The following PCARE variants were observed in gnomAD, a reference collection of about 807,000 sequenced individuals.
PCARE encodes the protein photoreceptor cilium actin regulator.
In PCARE, 72 loss-of-function variants were observed where a neutral mutation model predicts 82.2. That is an observed-to-expected ratio of 0.88 (90% confidence interval 0.72 to 1.07). PCARE has a LOEUF of 1.07. Among genes scored for constraint, PCARE ranks in the 50% least tolerant of loss-of-function variants. PCARE has a pLI of 0.00. For missense variants in PCARE, 1,768 were observed against 1,592.4 expected (o/e 1.11, Z -1.88); for synonymous variants, 705 against 634.8 (o/e 1.11, Z -1.66).
In PCARE at chr2:29,071,328, G is replaced by A. The variant is rs1302465109; in HGVS notation, c.2934C>T (p.Ala978=). Reference sequence around the variant, plus strand: ...TTCTCTCTCGGCTCTGCCTTGGTCTGGCCAGGCTGGACTCTGAGGTCCTGT... The same window carrying A: ...TTCTCTCTCGGCTCTGCCTTGGTCTAGCCAGGCTGGACTCTGAGGTCCTGT... The part of the protein sequence containing the change: ...GQNRTSESSL[A]RPRQSRERSP... Residue 978 remains alanine (A), a synonymous_variant, in exon 1 of 2, where the codon GCC becomes GCT. Transcript: ENST00000331664. 2.5e-6 allele frequency: 4 copies of A among 1,613,574 alleles called. No homozygotes were observed. In the African/African-American group the frequency reaches 4.0e-5, roughly 16 times the overall value.
In PCARE at chr2:29,074,198, A is replaced by C; in HGVS notation, c.64T>G (p.Leu22Val). ...NSVAKSGIQF[L>V]KKPKAIRPGC... Reference sequence around the variant, plus strand: ...GGCCGAATTGCTTTGGGCTTTTTCAAGAACTGAATGCCACTCTTTGCAACG... The same window carrying C: ...GGCCGAATTGCTTTGGGCTTTTTCACGAACTGAATGCCACTCTTTGCAACG... Residue 22 changes from leucine to valine, a missense_variant, in exon 1 of 2, where the codon TTG becomes GTG. Coordinates refer to ENST00000331664, the MANE Select transcript of PCARE (RefSeq NM_001029883.3). 6.2e-7 allele frequency: 1 copy of C among 1,602,312 alleles called. No individual in the cohort carries two copies. The highest frequency in any genetic ancestry group is 1.7e-5 in the Admixed American group (1 of 58,818).
chr2:29,071,541 C>A lies in PCARE; in HGVS notation c.2721G>T (p.Gly907=). 6.2e-7 allele frequency: 1 copy of A among 1,610,496 alleles called. No individual in the cohort carries two copies. The highest frequency in any genetic ancestry group is 8.5e-7 in the Non-Finnish European group (1 of 1,180,014). The change falls in exon 1 of 2, where the codon GGG becomes GGT. Residue 907 remains glycine (G), a synonymous_variant. Transcript: ENST00000331664. The part of the protein sequence containing the change: ...TASLTKPHST[G]PGSGRSSCQP... ...GGCAGCTGCTCCTGCCACTCCCTGGCCCTGTGCTGTGAGGCTTGGTCAGGC... is the reference window on the plus strand; with the variant it reads ...GGCAGCTGCTCCTGCCACTCCCTGGACCTGTGCTGTGAGGCTTGGTCAGGC...
At position 29,071,272 on chromosome 2, in the gene PCARE, G is replaced by A. The variant is rs1667474954; in HGVS notation, c.2990C>T (p.Thr997Met). ...SPPVGRKASP[T>M]RTHWVPQADK... ...TGCTTGAGGCACCCAGTGTGTCCTC[G>A]TGGGAGAGGCCTTTCTGCCCACAGG... Residue 997 changes from threonine to methionine, a missense_variant, in exon 1 of 2, where the codon ACG (threonine) becomes ATG (methionine). By Grantham distance (81) the Thr-to-Met change is moderately conservative. Transcript: ENST00000331664. 1.9e-6 allele frequency: 3 copies of A among 1,613,538 alleles called. No individual in the cohort carries two copies. Among genetic ancestry groups the A allele is most frequent in the Non-Finnish European group, 2.5e-6 (3 of 1,179,950 alleles).
At chr2:29,066,562 T>C (rs555258974) in intron 1 of PCARE, among the ~76,000 whole-genome samples, 1 of 152,280 alleles carries the variant, frequency 6.6e-6, no homozygotes, top group African/African-American at 2.4e-5. Context: ...GCCAAACCAG[T>C]GGAGAATATG....
rs1667552178 is a variant in PCARE, at chr2:29,074,412, A to G, written c.-151T>C. 1 of 793,098 alleles carries G rather than the reference A, an allele frequency of 1.3e-6. No individual in the cohort carries two copies. 49.1% of individuals were successfully genotyped at this position (793,098 alleles called of 1,614,324 possible). On this transcript the variant is annotated 5_prime_UTR_variant, in exon 1 of 2. Transcript: ENST00000331664. ...CATGGTACAATATCCTAAACTTGGA[A>G]CCAGCTTTCTTTATTTTCTTGGTCC...
In PCARE at chr2:29,073,017, T is replaced by A. The variant is rs2148416440; in HGVS notation, c.1245A>T (p.Ser415=). The change falls in exon 1 of 2, where the codon TCA becomes TCT. Residue 415 remains serine, a synonymous_variant. Coordinates refer to ENST00000331664, the MANE Select transcript of PCARE (RefSeq NM_001029883.3). ...GCTGAACCTTTGCCATAGGAGCCCC[T>A]GAGAGCAGGCAGTCCTGGGGTCTGC... The part of the protein sequence containing the change: ...GSGRPQDCLL[S]GAPMAKVQPR... The A allele has an allele frequency of 3.1e-6, 5 of 1,614,176 alleles. No homozygotes were observed. Among genetic ancestry groups the A allele is most frequent in the South Asian group, 2.2e-5 (2 of 91,080 alleles).
rs1667523453 is a variant in PCARE, at chr2:29,073,146, G to T, written c.1116C>A (p.Asp372Glu). The T allele has an allele frequency of 6.2e-7, 1 of 1,614,096 alleles. No homozygotes were observed. Among genetic ancestry groups the T allele is most frequent in the Non-Finnish European group, 8.5e-7 (1 of 1,180,010 alleles). Residue 372 changes from aspartate to glutamate, a missense_variant, in exon 1 of 2, where the codon GAC becomes GAA. Coordinates refer to ENST00000331664, the MANE Select transcript of PCARE (RefSeq NM_001029883.3). ...TCCATTCTTCGGGCTCTGGTGCAAG[G>T]TCCCAGCTGGTTTGCTTGCCCAGCT... ...VDKLGKQTSWDLAPEPEEWKS... is the reference protein window; with the variant it reads ...VDKLGKQTSWELAPEPEEWKS...
intron 1 of PCARE, among the ~76,000 whole-genome samples, chr2:29,069,537 G>A (rs975949511): frequency 6.6e-6 from 1 of 152,282 alleles, no homozygotes; most frequent in South Asian, 2.1e-4. Flanking sequence ...CCTCCTTGAG[G>A]GTGGAAGGTG....
At position 29,063,445 on chromosome 2, in the gene PCARE, G is replaced by A. The variant is rs1241752237; in HGVS notation, c.*1424C>T. 2.0e-5 allele frequency: 3 copies of A among 152,614 alleles called. No individual in the cohort carries two copies. The highest frequency in any genetic ancestry group is 6.5e-5 in the Admixed American group (1 of 15,280). 9.5% of individuals were successfully genotyped at this position (152,614 alleles called of 1,614,324 possible). Reference sequence around the variant, plus strand: ...AATAATAATTGGACAAGTCAAGGTGGGATTCATTTACTCAGAGTCATAGCC... The same window carrying A: ...AATAATAATTGGACAAGTCAAGGTGAGATTCATTTACTCAGAGTCATAGCC... On this transcript the variant is annotated 3_prime_UTR_variant, in exon 2 of 2. Coordinates refer to ENST00000331664, the MANE Select transcript of PCARE (RefSeq NM_001029883.3).
At position 29,074,020 on chromosome 2, in the gene PCARE, G is replaced by T; in HGVS notation, c.242C>A (p.Pro81His). 1.2e-6 allele frequency: 2 copies of T among 1,614,188 alleles called. No homozygotes were observed. Among genetic ancestry groups the T allele is most frequent in the Non-Finnish European group, 1.7e-6 (2 of 1,180,032 alleles). ...AKGLCQLMGD[P>H]ASGKRKDMEG... ...CATATCTTTCCTTTTGCCTGAAGCAGGATCTCCCATGAGCTGACAAAGACC... is the reference window on the plus strand; with the variant it reads ...CATATCTTTCCTTTTGCCTGAAGCATGATCTCCCATGAGCTGACAAAGACC... Residue 81 changes from proline to histidine, a missense_variant, in exon 1 of 2, where the codon CCT (proline) becomes CAT (histidine). Pro to His is a moderately conservative substitution (Grantham distance 77). Coordinates refer to ENST00000331664, the MANE Select transcript of PCARE (RefSeq NM_001029883.3).
In PCARE at chr2:29,072,848, T is replaced by C; in HGVS notation, c.1414A>G (p.Thr472Ala). ...GVSVEPHLSK[T>A]SRPMDASSLS... ...GATGAAGCGTCCATCGGCCTGGAGG[T>C]TTTGGAAAGGTGTGGTTCCACAGAG... Residue 472 changes from threonine (T) to alanine (A), a missense_variant, in exon 1 of 2, where the codon ACC becomes GCC. Transcript: ENST00000331664. 6.2e-7 allele frequency: 1 copy of C among 1,613,948 alleles called. No individual in the cohort carries two copies. The highest frequency in any genetic ancestry group is 8.5e-7 in the Non-Finnish European group (1 of 1,179,994).
rs1222852003 is a variant in PCARE, at chr2:29,064,961, G to A, written c.3775C>T (p.Leu1259=). 2 of 1,603,572 alleles carry A rather than the reference G, an allele frequency of 1.2e-6. No individual in the cohort carries two copies. The highest frequency in any genetic ancestry group is 1.7e-6 in the Non-Finnish European group (2 of 1,175,526). The part of the protein sequence containing the change: ...RRASPPEFCV[L]GHGLQPEPRT... ...GGCTCCGGTTGCAGCCCGTGGCCCAGCACACAGAACTCTGGGGGAGATGCA... is the reference window on the plus strand; with the variant it reads ...GGCTCCGGTTGCAGCCCGTGGCCCAACACACAGAACTCTGGGGGAGATGCA... The change falls in exon 2 of 2, where the codon CTG becomes TTG. Residue 1259 remains leucine, a synonymous_variant. Coordinates refer to ENST00000331664, the MANE Select transcript of PCARE (RefSeq NM_001029883.3).
Position 29,072,792 on chromosome 2 carries a change from C to T in PCARE, c.1470G>A (p.Glu490=). 1 of 1,614,164 alleles carries T rather than the reference C, an allele frequency of 6.2e-7. No homozygotes were observed. The highest frequency in any genetic ancestry group is 8.5e-7 in the Non-Finnish European group (1 of 1,180,036). ...TGCTCATTTTGTCTTCCTCCTCCTCCTCTGGGCTGCTGTCCTCGCTGTCAC... is the reference window on the plus strand; with the variant it reads ...TGCTCATTTTGTCTTCCTCCTCCTCTTCTGGGCTGCTGTCCTCGCTGTCAC... ...SLSDSEDSSP[E]EEEEDKMSSM... The change falls in exon 1 of 2, where the codon GAG becomes GAA. Residue 490 remains glutamate, a synonymous_variant. Coordinates refer to ENST00000331664, the MANE Select transcript of PCARE (RefSeq NM_001029883.3).
Position 29,063,624 on chromosome 2 carries a change from C to T in PCARE, c.*1245G>A, listed in dbSNP as rs931799277. 2.0e-5 allele frequency: 3 copies of T among 152,628 alleles called. No individual in the cohort carries two copies. Among genetic ancestry groups the T allele is most frequent in the Non-Finnish European group, 4.4e-5 (3 of 68,048 alleles). 9.5% of individuals were successfully genotyped at this position (152,628 alleles called of 1,614,324 possible). A position where few individuals can be genotyped will look rare whatever the true frequency, so the allele number is the denominator to read the frequency against. The stretch of plus-strand genomic sequence containing the variant: ...TCTGGAGGATCGTCCCTTTGCTGTA[C>T]CCCAGTGGGTAAGAATTCTTGTCTT... On this transcript the variant is annotated 3_prime_UTR_variant, in exon 2 of 2. Transcript: ENST00000331664.
Position 29,074,129 on chromosome 2 carries a change from C to T in PCARE, c.133G>A (p.Val45Ile). The T allele has an allele frequency of 6.2e-7, 1 of 1,614,102 alleles. No homozygotes were observed. Among genetic ancestry groups the T allele is most frequent in the Non-Finnish European group, 8.5e-7 (1 of 1,179,952 alleles). The change falls in exon 1 of 2, where the codon GTT (valine) becomes ATT (isoleucine). Residue 45 changes from valine to isoleucine, a missense_variant. By Grantham distance (29) the Val-to-Ile change is conservative (BLOSUM62 3). Coordinates refer to ENST00000331664, the MANE Select transcript of PCARE (RefSeq NM_001029883.3). ...GCGTCATAGCAGGTGGAGTTTTTAA[C>T]CAGCAAAGGGATGGAACCTCTTTCA... ...GSERGSIPLLVKNSTCYDAGE... is the reference protein window; with the variant it reads ...GSERGSIPLLIKNSTCYDAGE...
rs558538911 is a variant in PCARE, at chr2:29,070,947, A to G, written c.3315T>C (p.Ser1105=). 4.0e-5 allele frequency: 65 copies of G among 1,611,902 alleles called. No homozygotes were observed. Among genetic ancestry groups the G allele is most frequent in the South Asian group, 3.5e-4 (32 of 91,010 alleles). ...PSQEHKETRD[S]EDSQAVIAKV... is the part of the protein sequence containing the mutation. ...TGGCTATGACTGCTTGGCTGTCTTC[A>G]GAGTCTCTTGTTTCCTTGTGCTCCT... Residue 1105 remains serine (S), a synonymous_variant, in exon 1 of 2, where the codon TCT becomes TCC. Coordinates refer to ENST00000331664, the MANE Select transcript of PCARE (RefSeq NM_001029883.3).
rs1219354221 is a variant in PCARE at position 29,074,175 on chromosome 2, C to T, written c.87G>A (p.Arg29=). Residue 29 remains arginine (R), a synonymous_variant, in exon 1 of 2, where the codon CGG becomes CGA. Coordinates refer to ENST00000331664, the MANE Select transcript of PCARE (RefSeq NM_001029883.3). ...TTTCACTTCCGCCCTGACATCCTGG[C>T]CGAATTGCTTTGGGCTTTTTCAAGA... ...IQFLKKPKAI[R]PGCQGGSERG... The T allele has an allele frequency of 1.9e-6, 3 of 1,608,846 alleles. No homozygotes were observed. In the Admixed American group the frequency reaches 5.0e-5, roughly 27 times the overall value.
At position 29,073,752 on chromosome 2, in the gene PCARE, A is replaced by C; in HGVS notation, c.510T>G (p.Pro170=). The change falls in exon 1 of 2, where the codon CCT becomes CCG. Residue 170 remains proline, a synonymous_variant. Transcript: ENST00000331664. ...CYQTIHPAHE[P]EGKVDFPEPL... ...GCTCCGGGAAGTCCACTTTGCCTTC[A>C]GGCTCATGAGCAGGGTGGATGGTTT... The C allele has an allele frequency of 6.2e-7, 1 of 1,614,216 alleles. No homozygotes were observed. Among genetic ancestry groups the C allele is most frequent in the African/African-American group, 1.3e-5 (1 of 75,052 alleles).
At chr2:29,066,635 C>T (rs7569316) in intron 1 of PCARE, among the ~76,000 whole-genome samples, 4 of 152,048 alleles carry the variant, frequency 2.6e-5, no homozygotes, top group Non-Finnish European at 4.4e-5. Context: ...GTGGGGTGGG[C>T]GCTAAGACCA....
Sources: gnomAD v4.1 joint callset for allele counts (sites outside exome capture counted in the v4.1 genomes callset) on GRCh38, gnomAD v4.1.1 for gene constraint, MANE v1.5 for transcripts, NCBI Gene and HGNC (gene_info 2026-07-23, HGNC 2026-07-21) for gene names.